Variants in FAF2 observed in about 807,000 individuals in gnomAD.
FAF2 encodes the protein Fas associated factor family member 2, also known as FAS-associated factor 2.
In FAF2, 9 loss-of-function variants were observed where a neutral mutation model predicts 62.3. That is an observed-to-expected ratio of 0.14 (90% CI 0.09 to 0.25). The LOEUF is 0.25. Among genes scored for constraint, FAF2 ranks in the 10% least tolerant of loss-of-function variants. The pLI is 1.00. For synonymous variants in FAF2, 202 were observed against 198.0 expected (o/e 1.02, Z -0.17); for missense variants, 368 against 556.2 (o/e 0.66, Z 3.40).
At chr5:176,462,315 A>G (rs187290840) in intron 1 of FAF2, among the ~76,000 whole-genome samples, 238 of 152,022 alleles carry the variant, frequency 1.6e-3, no homozygotes, top group Admixed American at 4.5e-3. Context: ...GAAAACACAT[A>G]CTATAGTGCT....
At chr5:176,472,929 G>C (rs1758599900) in intron 1 of FAF2, among the ~76,000 whole-genome samples, 1 of 151,704 alleles carries the variant, frequency 6.6e-6, no homozygotes, top group South Asian at 2.1e-4. Context: ...TTCAAGTTTT[G>C]TTTTACTTTT....
chr5:176,499,178 C>T, intron 9 of FAF2, 93 bp downstream of exon 9: 2 of 1,182,148 alleles, frequency 1.7e-6, no homozygotes, highest in Non-Finnish European at 1.1e-6. Flanking sequence ...ATGATAGCCA[C>T]CTTAAACAGA....
chr5:176,466,847 C>T (rs1758477547), intron 1 of FAF2, among the ~76,000 whole-genome samples: 1 of 152,204 alleles, frequency 6.6e-6, no homozygotes, highest in Non-Finnish European at 1.5e-5. Context: ...CACACACTTC[C>T]CCAGTCTCCC....
intron 1 of FAF2, among the ~76,000 whole-genome samples, chr5:176,471,248 A>G (rs1758562145): frequency 6.6e-6 from 1 of 152,154 alleles, no homozygotes; most frequent in African/African-American, 2.4e-5. Flanking sequence ...CATGCCTTCT[A>G]CAATTACTTC....
At chr5:176,495,658 C>T (rs978960952) in intron 7 of FAF2, among the ~76,000 whole-genome samples, 1 of 151,914 alleles carries the variant, frequency 6.6e-6, no homozygotes, top group African/African-American at 2.4e-5. Context: ...ATTACAGGCG[C>T]GTACCACCAC....
intron 4 of FAF2, among the ~76,000 whole-genome samples, chr5:176,490,820 C>T (rs569073553): frequency 7.1e-6 from 1 of 140,228 alleles, no homozygotes; most frequent in South Asian, 2.3e-4. Context: ...TTGTGTAGAT[C>T]GTGGGAATAT....
intron 4 of FAF2, among the ~76,000 whole-genome samples, chr5:176,490,034 G>A (rs941765189): frequency 7.9e-5 from 12 of 151,940 alleles, no homozygotes; most frequent in East Asian, 2.0e-4. Flanking sequence ...TCAACTGGCC[G>A]GGCTCTGTGG....
intron 1 of FAF2, among the ~76,000 whole-genome samples, chr5:176,454,190 C>T (rs139625063): frequency 0.011 from 1,642 of 151,548 alleles, 39 homozygotes; most frequent in African/African-American, 0.038. Context: ...GCCAGGAGTT[C>T]GAGACCAGCC....
At chr5:176,479,278 G>A in intron 2 of FAF2, 22 bp downstream of exon 2, 3 of 1,593,960 alleles carry the variant, frequency 1.9e-6, no homozygotes, top group Non-Finnish European at 2.6e-6. Flanking sequence ...TGTGTTCTGA[G>A]CTTATTTCTT....
At position 176,494,654 on chromosome 5, in the gene FAF2, A is replaced by G. The variant is rs1419176795; in HGVS notation, c.661+379A>G. ...ACTGCAACCTCCACCTCCTGGGTTC[A>G]AGCGATTGTCCTGCCTCAGCCTCCT... On this transcript the variant is annotated intron_variant, in intron 7 of 10. Coordinates refer to ENST00000261942, the MANE Select transcript of FAF2 (RefSeq NM_014613.3). The surrounding 1 kb of genome is among the most constrained non-coding windows in gnomAD (Gnocchi z 4.0). Among the ~76,000 whole-genome samples, 38 of 152,152 alleles carry G rather than the reference A, an allele frequency of 2.5e-4. No individual in the cohort carries two copies. The highest frequency in any genetic ancestry group is 1.5e-5 in the Non-Finnish European group (1 of 68,018).
chr5:176,489,076 C>A lies in FAF2; in HGVS notation c.344+49C>A, dbSNP rs144589647. 5.6e-4 allele frequency: 841 copies of A among 1,501,760 alleles called. 3 individuals are homozygous for A. In the African/African-American group the frequency reaches 0.011, roughly 20 times the overall value. 93.0% of individuals were successfully genotyped at this position (1,501,760 alleles called of 1,614,324 possible). ...TTAGTAGAATAGTAAGACTTTGGAGCTGAAATTTAGGCCAAAATAAGCTTT... is the reference window on the plus strand; with the variant it reads ...TTAGTAGAATAGTAAGACTTTGGAGATGAAATTTAGGCCAAAATAAGCTTT... On this transcript the variant is annotated intron_variant, in intron 4 of 10. Transcript: ENST00000261942.
intron 1 of FAF2, among the ~76,000 whole-genome samples, chr5:176,456,505 T>C (rs1758279365): frequency 6.6e-6 from 1 of 152,204 alleles, no homozygotes; most frequent in Non-Finnish European, 1.5e-5. Flanking sequence ...CTTTAAGGAT[T>C]TGAGGTCCTT....
intron 1 of FAF2, among the ~76,000 whole-genome samples, chr5:176,451,033 A>G (rs1306639722): frequency 2.0e-5 from 3 of 152,234 alleles, no homozygotes; most frequent in Non-Finnish European, 2.9e-5. Flanking sequence ...GATGCCAAGC[A>G]TTATACCAAG....
At chr5:176,462,737 G>A (rs1468482533) in intron 1 of FAF2, among the ~76,000 whole-genome samples, 1 of 152,146 alleles carries the variant, frequency 6.6e-6, no homozygotes, top group Non-Finnish European at 1.5e-5. Context: ...TTTGTGACTT[G>A]ACATTAAATT....
At chr5:176,467,129 C>CTTTTTTTTTTTTTTTTTTTTTTTTTTT (rs374702773) in intron 1 of FAF2, among the ~76,000 whole-genome samples, 3 of 94,038 alleles carry the variant, frequency 3.2e-5, no homozygotes, top group Non-Finnish European at 3.9e-5. Context: ...TTTTTTTTTC[C>CTTTTTTTTTTTTTTTTTTTTTTTTTTT]TTTTTTTTTT....
intron 1 of FAF2, among the ~76,000 whole-genome samples, chr5:176,456,635 G>A (rs1389967847): frequency 1.3e-5 from 2 of 152,062 alleles, no homozygotes; most frequent in African/African-American, 4.8e-5. Flanking sequence ...AGCCTCAACT[G>A]GAATTTCTGT....
At chr5:176,505,956 C>T (rs1254317465) in intron 10 of FAF2, among the ~76,000 whole-genome samples, 2 of 151,922 alleles carry the variant, frequency 1.3e-5, no homozygotes, top group East Asian at 3.9e-4. Context: ...TTTGGGAGGC[C>T]GAGACGGGAG....
At chr5:176,485,203 A>G (rs138931199) in intron 2 of FAF2, among the ~76,000 whole-genome samples, 54 of 152,332 alleles carry the variant, frequency 3.5e-4, no homozygotes, top group African/African-American at 1.2e-3. Context: ...CCCTGTGGAT[A>G]AGAAGGGACT....
Position 176,494,356 on chromosome 5 carries a change from T to G in FAF2, c.661+81T>G, listed in dbSNP as rs1759025094. ...TGGAAAGACATGCCATGCCATTTAT[T>G]ACAAGTGTGTTTGTTCTGTGGTAGA... On this transcript the variant is annotated intron_variant, in intron 7 of 10. Transcript: ENST00000261942. This position sits in a 1 kb window ranked among gnomAD's most constrained non-coding sequence, Gnocchi z 4.0. 11 of 1,177,010 alleles carry G rather than the reference T, an allele frequency of 9.3e-6. No homozygotes were observed. The highest frequency in any genetic ancestry group is 1.4e-5 in the Non-Finnish European group (11 of 784,364). The allele number at this position is 1,177,010 out of a possible 1,614,324, so 72.9% of individuals were successfully genotyped here. A position where few individuals can be genotyped will look rare whatever the true frequency, so the allele number is the denominator to read the frequency against.
Sources: gnomAD v4.1 joint callset for allele counts (sites outside exome capture counted in the v4.1 genomes callset) on GRCh38, gnomAD v4.1.1 for gene constraint, Gnocchi (gnomAD v3.1) non-coding constraint, MANE v1.5 for transcripts, NCBI Gene and HGNC (gene_info 2026-07-23, HGNC 2026-07-21) for gene names.